The following VPS8 variants were observed in gnomAD, a reference collection of about 807,000 sequenced individuals.
VPS8 encodes the protein vacuolar protein sorting-associated protein 8 homolog.
VPS8 carries 129 observed loss-of-function variants against 216.4 expected under a neutral mutation model. The observed-to-expected ratio is 0.60, with a 90% confidence interval of 0.52 to 0.69. VPS8 has a LOEUF of 0.69. Ranked by LOEUF, VPS8 falls within the 30% of genes least tolerant of loss-of-function variation. VPS8 has a pLI of 0.00. For missense variants in VPS8, 1,531 were observed against 1,683.5 expected (o/e 0.91, Z 1.59); for synonymous variants, 571 against 565.4 (o/e 1.01, Z -0.14).
At chr3:184,928,399 A>G in intron 31 of VPS8, 52 bp from the exon 32 acceptor site, 3 of 1,449,016 alleles carry the variant, frequency 2.1e-6, no homozygotes, top group South Asian at 2.8e-5. Flanking sequence ...ATGCACTCTT[A>G]AAGAGCTAGT....
intron 21 of VPS8, 123 bp from the exon 22 acceptor site, chr3:184,885,987 A>C: frequency 9.2e-7 from 1 of 1,089,806 alleles, no homozygotes; most frequent in South Asian, 1.7e-5. Context: ...ATTGCTTACC[A>C]AAAGCATGAT....
Position 185,026,364 on chromosome 3 carries a change from G to A in VPS8, c.4056+1975G>A, listed in dbSNP as rs145838297. On this transcript the variant is annotated intron_variant, in intron 46 of 47. Coordinates refer to ENST00000625842, the MANE Select transcript of VPS8 (RefSeq NM_001009921.3). ...TCCATGGATTTTGGCATCCACAGGA[G>A]GTCCTAGAGTAAATTCCCCACAGAT... 5.9e-5 allele frequency among the ~76,000 whole-genome samples: 9 copies of A among 151,856 alleles called. No homozygotes were observed. The East Asian group carries it at 1.7e-3, about 29-fold the overall frequency.
intron 25 of VPS8, among the ~76,000 whole-genome samples, chr3:184,902,469 C>A (rs1734714659): frequency 1.3e-5 from 2 of 151,740 alleles, no homozygotes; most frequent in Admixed American, 1.3e-4. Context: ...GGCGACAGAG[C>A]AAGACTCCGT....
intron 2 of VPS8, 119 bp downstream of exon 2, chr3:184,824,904 A>ATTT: frequency 1.1e-6 from 1 of 918,034 alleles, no homozygotes. Context: ...GTCTGTGTAT[A>ATTT]ATTTTTTTTT....
At chr3:184,879,581 A>G (rs1729919112) in intron 21 of VPS8, among the ~76,000 whole-genome samples, 2 of 152,132 alleles carry the variant, frequency 1.3e-5, no homozygotes, top group Non-Finnish European at 2.9e-5. Context: ...GTTCTTTCCC[A>G]TTCTGCTTTC....
At chr3:184,814,013 A>G (rs1221234416) in intron 1 of VPS8, 5 of 152,252 alleles carry the variant, frequency 3.3e-5, no homozygotes, top group Non-Finnish European at 7.3e-5. Flanking sequence ...TATTTGACTT[A>G]TCTTCACGCT....
intron 16 of VPS8, among the ~76,000 whole-genome samples, chr3:184,865,568 G>A (rs949715947): frequency 6.6e-6 from 1 of 152,126 alleles, no homozygotes; most frequent in African/African-American, 2.4e-5. Context: ...CACTGGGAAG[G>A]CTATCATAAA....
At chr3:184,891,650 T>C (rs528122303) in intron 22 of VPS8, among the ~76,000 whole-genome samples, 2 of 152,298 alleles carry the variant, frequency 1.3e-5, no homozygotes, top group South Asian at 4.1e-4. Context: ...TTACGAACTG[T>C]GGTACTTGTA....
At chr3:185,026,780 C>T (rs982581797) in intron 46 of VPS8, among the ~76,000 whole-genome samples, 7 of 143,216 alleles carry the variant, frequency 4.9e-5, no homozygotes, top group African/African-American at 1.8e-4. Flanking sequence ...ACAATCTTGG[C>T]TCACTGCAAC....
chr3:184,836,225 G>A (rs1236272854), intron 5 of VPS8: 1 of 455,594 alleles, frequency 2.2e-6, no homozygotes, highest in East Asian at 7.0e-5. Context: ...GGAAACCTGG[G>A]CAATTGTTCT....
intron 36 of VPS8, among the ~76,000 whole-genome samples, chr3:184,942,817 GC>G (rs1333187129): frequency 1.3e-5 from 2 of 152,116 alleles, no homozygotes; most frequent in African/African-American, 4.8e-5. Context: ...AGTATCTCAA[GC>G]TAATCCATAA....
At chr3:184,902,557 T>C (rs1734731794) in intron 25 of VPS8, among the ~76,000 whole-genome samples, 1 of 150,534 alleles carries the variant, frequency 6.6e-6, no homozygotes, top group Non-Finnish European at 1.5e-5. Flanking sequence ...TGGAGCCGGG[T>C]GCTGTGGCTC....
chr3:185,022,163 G>A (rs182514932), intron 45 of VPS8, among the ~76,000 whole-genome samples: 1 of 152,214 alleles, frequency 6.6e-6, no homozygotes, highest in East Asian at 1.9e-4. Flanking sequence ...TTCCCCTTTT[G>A]CTTGGCACTT....
At position 184,898,641 on chromosome 3, in the gene VPS8, T is replaced by C. The variant is rs1390237905; in HGVS notation, c.2081T>C (p.Ile694Thr). ...TACAACAGAGGCATGAATGAATTTA[T>C]TAGTCCAATGGAGGTAAGATACTTC... Reference protein sequence around the residue: ...YVYNRGMNEFISPMEKLFRVI... With the variant: ...YVYNRGMNEFTSPMEKLFRVI... The change falls in exon 24 of 48, where the codon ATT (isoleucine) becomes ACT (threonine). Residue 694 changes from isoleucine to threonine, a missense_variant. Transcript: ENST00000625842. 2.6e-6 allele frequency: 4 copies of C among 1,552,346 alleles called. No homozygotes were observed. Among genetic ancestry groups the C allele is most frequent in the Non-Finnish European group, 3.5e-6 (4 of 1,147,248 alleles).
At position 184,856,840 on chromosome 3, in the gene VPS8, C is replaced by G. The variant is rs567907430; in HGVS notation, c.1143+1022C>G. Among the ~76,000 whole-genome samples, 4 of 152,206 alleles carry G rather than the reference C, an allele frequency of 2.6e-5. No homozygotes were observed. In the South Asian group the frequency reaches 8.3e-4, roughly 32 times the overall value. On this transcript the variant is annotated intron_variant, in intron 14 of 47. Transcript: ENST00000625842. ...AACATGACCTTCCCTGGCCTCTGAA[C>G]TAAGTTAGTTACATGCATCTTTTGA...
At chr3:184,975,872 T>A (rs1749177422) in intron 40 of VPS8, among the ~76,000 whole-genome samples, 2 of 152,140 alleles carry the variant, frequency 1.3e-5, no homozygotes, top group Admixed American at 1.3e-4. Flanking sequence ...ACATGTTGAA[T>A]CCTTGCATTT....
chr3:185,029,349 C>G (rs949765486), intron 46 of VPS8, among the ~76,000 whole-genome samples: 2 of 152,086 alleles, frequency 1.3e-5, no homozygotes, highest in Non-Finnish European at 2.9e-5. Flanking sequence ...CTCTGTTGAC[C>G]GATAACTGAA....
At chr3:184,865,482 A>G (rs573753837) in intron 16 of VPS8, among the ~76,000 whole-genome samples, 1 of 152,336 alleles carries the variant, frequency 6.6e-6, no homozygotes, top group Non-Finnish European at 1.5e-5. Context: ...GACAGTGAGC[A>G]CTTAAAGAGC....
intron 40 of VPS8, among the ~76,000 whole-genome samples, chr3:184,981,336 G>A (rs1750160687): frequency 6.6e-6 from 1 of 151,918 alleles, no homozygotes; most frequent in Admixed American, 6.6e-5. Flanking sequence ...GCACATGCTT[G>A]TGCCAGCATG....
Sources: gnomAD v4.1 joint callset for allele counts (sites outside exome capture counted in the v4.1 genomes callset) on GRCh38, gnomAD v4.1.1 for gene constraint, MANE v1.5 for transcripts, NCBI Gene and HGNC (gene_info 2026-07-23, HGNC 2026-07-21) for gene names.